The following CNTN3 variants were observed in gnomAD, a reference collection of about 807,000 sequenced individuals.
CNTN3 encodes the protein contactin 3.
CNTN3 carries 60 observed loss-of-function variants against 119.1 expected under a neutral mutation model. The ratio of observed to expected loss-of-function variants is 0.50; its 90% CI spans 0.41 to 0.62. CNTN3 has a LOEUF of 0.62. Among genes scored for constraint, CNTN3 ranks in the 20% least tolerant of loss-of-function variants. The pLI, the probability that CNTN3 is intolerant of heterozygous loss-of-function variation, is 0.00. For synonymous variants in CNTN3, 450 were observed against 438.7 expected (o/e 1.03, Z -0.32); for missense variants, 1,101 against 1,242.4 (o/e 0.89, Z 1.71).
At chr3:74,360,866 T>C (rs1377881763) in intron 11 of CNTN3, among the ~76,000 whole-genome samples, 1 of 152,156 alleles carries the variant, frequency 6.6e-6, no homozygotes, top group Admixed American at 6.5e-5. Context: ...TCTGCCTCCC[T>C]CTTCCTCTCT....
chr3:74,470,176 G>A (rs1485889063), intron 4 of CNTN3, among the ~76,000 whole-genome samples: 1 of 152,064 alleles, frequency 6.6e-6, no homozygotes, highest in African/African-American at 2.4e-5. Flanking sequence ...AGGGGCTGGA[G>A]TGGGGGGTTT....
At chr3:74,528,971 A>G (rs1703657376) in intron 1 of CNTN3, among the ~76,000 whole-genome samples, 1 of 151,874 alleles carries the variant, frequency 6.6e-6, no homozygotes, top group African/African-American at 2.4e-5. Context: ...AACCACAAAC[A>G]TAAGGTGCAA....
chr3:74,540,680 C>G (rs1703830951), intron 1 of CNTN3, among the ~76,000 whole-genome samples: 1 of 152,110 alleles, frequency 6.6e-6, no homozygotes, highest in Non-Finnish European at 1.5e-5. Context: ...GTCCCCAAAG[C>G]TCTACCTCTC....
intron 1 of CNTN3, among the ~76,000 whole-genome samples, chr3:74,539,071 C>A (rs1381960270): frequency 1.3e-5 from 2 of 151,976 alleles, no homozygotes; most frequent in African/African-American, 4.8e-5. Context: ...AGAAAGCCTC[C>A]CATTAATTTC....
At chr3:74,490,513 T>C (rs967971054) in intron 3 of CNTN3, among the ~76,000 whole-genome samples, 7 of 152,038 alleles carry the variant, frequency 4.6e-5, no homozygotes, top group Non-Finnish European at 1.0e-4. Context: ...ATTTTAAAGA[T>C]AAAAAAATAT....
At chr3:74,568,383 T>C (rs1250474440) in intron 1 of CNTN3, among the ~76,000 whole-genome samples, 1 of 152,188 alleles carries the variant, frequency 6.6e-6, no homozygotes, top group African/African-American at 2.4e-5. Context: ...GGCACCTCCT[T>C]ATTGCCCTGC....
At chr3:74,505,483 A>G (rs1279365700) in intron 2 of CNTN3, among the ~76,000 whole-genome samples, 1 of 149,388 alleles carries the variant, frequency 6.7e-6, no homozygotes, top group Non-Finnish European at 1.5e-5. Flanking sequence ...TAAAATATAT[A>G]TTTATATATG....
chr3:74,422,721 A>T (rs1575709756), intron 5 of CNTN3, among the ~76,000 whole-genome samples: 1 of 152,178 alleles, frequency 6.6e-6, no homozygotes, highest in African/African-American at 2.4e-5. Flanking sequence ...CACAACCAAG[A>T]CTACCCAGCT....
chr3:74,306,752 T>C (rs1486555173), intron 13 of CNTN3, among the ~76,000 whole-genome samples: 1 of 152,164 alleles, frequency 6.6e-6, no homozygotes, highest in Admixed American at 6.5e-5. Flanking sequence ...CTCTAAGTCA[T>C]ACAAATTGAG....
intron 4 of CNTN3, among the ~76,000 whole-genome samples, chr3:74,484,819 C>T (rs189029060): frequency 5.9e-5 from 9 of 152,238 alleles, no homozygotes; most frequent in East Asian, 1.9e-4. Flanking sequence ...TAAACAGCTC[C>T]AAGACTCAAC....
intron 4 of CNTN3, among the ~76,000 whole-genome samples, chr3:74,445,625 G>A (rs1009869218): frequency 6.6e-6 from 1 of 152,134 alleles, no homozygotes; most frequent in Non-Finnish European, 1.5e-5. Context: ...AGCAAACATA[G>A]CATTACTAAG....
chr3:74,551,876 G>C (rs1703997295), intron 1 of CNTN3, among the ~76,000 whole-genome samples: 1 of 143,290 alleles, frequency 7.0e-6, no homozygotes, highest in Non-Finnish European at 1.5e-5. Flanking sequence ...AGATTGTCCT[G>C]TCTCAGCCTC....
intron 1 of CNTN3, among the ~76,000 whole-genome samples, chr3:74,521,901 C>T (rs1039181995): frequency 2.0e-5 from 3 of 151,740 alleles, no homozygotes; most frequent in Middle Eastern, 3.2e-3. Context: ...CAAGTATGCG[C>T]GATACACAGA....
chr3:74,275,547 C>T (rs1355769428), intron 20 of CNTN3, among the ~76,000 whole-genome samples: 1 of 152,158 alleles, frequency 6.6e-6, no homozygotes, highest in Non-Finnish European at 1.5e-5. Flanking sequence ...TCCAGCGAAA[C>T]TAAGCATCAT....
chr3:74,326,092 T>C (rs901992930), intron 13 of CNTN3, among the ~76,000 whole-genome samples: 6 of 152,122 alleles, frequency 3.9e-5, no homozygotes, highest in Non-Finnish European at 8.8e-5. Context: ...CTTTATTTCA[T>C]CTAGAAATAT....
intron 11 of CNTN3, among the ~76,000 whole-genome samples, chr3:74,340,929 A>C (rs896070363): frequency 1.3e-5 from 2 of 152,298 alleles, no homozygotes; most frequent in Admixed American, 1.3e-4. Context: ...TTCCACTACA[A>C]ATACAGAAGT....
intron 13 of CNTN3, among the ~76,000 whole-genome samples, chr3:74,324,965 A>G (rs1486641856): frequency 1.3e-5 from 2 of 152,220 alleles, no homozygotes; most frequent in African/African-American, 4.8e-5. Context: ...TCTTCAAAGG[A>G]CACATGAAGG....
At chr3:74,389,617 C>T (rs1559577231) in intron 5 of CNTN3, among the ~76,000 whole-genome samples, 2 of 152,094 alleles carry the variant, frequency 1.3e-5, no homozygotes, top group Admixed American at 6.6e-5. Flanking sequence ...AATCTTCACA[C>T]CATCCCATCA....
chr3:74,340,717 A>G (rs1470068443), intron 11 of CNTN3, among the ~76,000 whole-genome samples: 1 of 152,168 alleles, frequency 6.6e-6, no homozygotes, highest in Non-Finnish European at 1.5e-5. Flanking sequence ...CCTAAATTAT[A>G]GGTTAGAGAT....
Sources: gnomAD v4.1 joint callset for allele counts (sites outside exome capture counted in the v4.1 genomes callset) on GRCh38, gnomAD v4.1.1 for gene constraint, MANE v1.5 for transcripts, NCBI Gene and HGNC (gene_info 2026-07-23, HGNC 2026-07-21) for gene names.